Variants in EIF4G3 observed in about 807,000 individuals in gnomAD.
EIF4G3 encodes the protein eIF-4-gamma 3.
A neutral mutation model predicts 186.4 loss-of-function variants in EIF4G3; 34 were observed. That is an observed-to-expected ratio of 0.18 (90% CI 0.14 to 0.24). The LOEUF is 0.24. Ranked by LOEUF, EIF4G3 falls within the 10% of genes least tolerant of loss-of-function variation. The probability of loss-of-function intolerance (pLI) is 1.00; values close to 1 mark genes in which losing one functional copy is unlikely to be tolerated. For missense variants in EIF4G3, 1,536 were observed against 1,948.5 expected, an observed-to-expected ratio of 0.79 and a Z score of 3.99; for synonymous variants, 673 against 679.5, an observed-to-expected ratio of 0.99 and a Z score of 0.15.
At chr1:21,009,166 G>A (rs2086209256) in intron 4 of EIF4G3, among the ~76,000 whole-genome samples, 2 of 151,996 alleles carry the variant, frequency 1.3e-5, no homozygotes, top group Non-Finnish European at 2.9e-5. Context: ...GCATATATAA[G>A]TGTGTTTATT....
rs1223756510 is a variant in EIF4G3, at chr1:20,950,028, G to A, written c.798C>T (p.Val266=). Residue 266 remains valine (V), a synonymous_variant, in exon 13 of 37, where the codon GTC becomes GTT. Coordinates refer to ENST00000602326, the MANE Select transcript of EIF4G3 (RefSeq NM_001391906.1). The stretch of plus-strand genomic sequence containing the variant: ...CTTGCTTCTGGTCGCTAGCTGCAGT[G>A]ACAGGGGTGCTGGCAGCAAGATGAG... ...ESAHLAASTP[V]TAASDQKQEE... 1 of 1,613,508 alleles carries A rather than the reference G, an allele frequency of 6.2e-7. No homozygotes were observed. Among genetic ancestry groups the A allele is most frequent in the East Asian group, 2.2e-5 (1 of 44,858 alleles).
intron 3 of EIF4G3, among the ~76,000 whole-genome samples, chr1:21,079,139 ACAAT>A (rs1460884015): frequency 2.6e-5 from 4 of 152,196 alleles, no homozygotes; most frequent in Admixed American, 6.5e-5. Flanking sequence ...AGATGATAGG[ACAAT>A]CAAACAGATT....
intron 18 of EIF4G3, among the ~76,000 whole-genome samples, chr1:20,890,955 T>A (rs2085819378): frequency 6.6e-6 from 1 of 152,224 alleles, no homozygotes; most frequent in South Asian, 2.1e-4. Flanking sequence ...AACTAGCTTC[T>A]GACACAGAAC....
chr1:20,947,923 GC>G (rs930344426), intron 13 of EIF4G3, among the ~76,000 whole-genome samples: 3 of 152,126 alleles, frequency 2.0e-5, no homozygotes, highest in Admixed American at 6.5e-5. Flanking sequence ...ATGACAAAAT[GC>G]AGGGATCTCA....
intron 10 of EIF4G3, among the ~76,000 whole-genome samples, chr1:20,979,535 T>C (rs1002562556): frequency 6.6e-6 from 1 of 152,058 alleles, no homozygotes; most frequent in Non-Finnish European, 1.5e-5. Flanking sequence ...GTAGGAAATG[T>C]TTGGAGAAAA....
At chr1:20,832,703 G>A (rs2065661523) in intron 30 of EIF4G3, among the ~76,000 whole-genome samples, 1 of 149,522 alleles carries the variant, frequency 6.7e-6, no homozygotes, top group African/African-American at 2.5e-5. Context: ...TGTCCTGAAT[G>A]GTAATGCCTA....
At chr1:20,808,028 C>T (rs552966544) in intron 36 of EIF4G3, among the ~76,000 whole-genome samples, 1 of 152,020 alleles carries the variant, frequency 6.6e-6, no homozygotes, top group South Asian at 2.1e-4. Context: ...GGATTACAGG[C>T]GCCGGCCACC....
chr1:21,054,639 G>A (rs1218763928), intron 3 of EIF4G3, among the ~76,000 whole-genome samples: 1 of 151,976 alleles, frequency 6.6e-6, no homozygotes, highest in Non-Finnish European at 1.5e-5. Context: ...TCAGTTCATA[G>A]GTCTTCTGAA....
intron 9 of EIF4G3, 138 bp from the exon 10 acceptor site, chr1:20,980,586 A>G: frequency 3.3e-6 from 2 of 606,408 alleles, no homozygotes. Context: ...AGGTAAAGCG[A>G]TTGGGTCAAA....
rs756002186 is a variant in EIF4G3, at chr1:20,855,089, A to G, written c.3340-18T>C. 5.2e-6 allele frequency: 8 copies of G among 1,547,716 alleles called. No homozygotes were observed. The highest frequency in any genetic ancestry group is 7.1e-6 in the Non-Finnish European group (8 of 1,124,922). ...ATTGTAGGCTGTAACATAAGGGACC[A>G]CAAGTCAATTATAGGAAATATTCTA... On this transcript the variant is annotated intron_variant, in intron 25 of 36. Transcript: ENST00000602326.
At chr1:21,003,377 G>C (rs948886623) in intron 4 of EIF4G3, among the ~76,000 whole-genome samples, 6 of 151,998 alleles carry the variant, frequency 3.9e-5, no homozygotes, top group African/African-American at 1.2e-4. Context: ...TCATCCTCTT[G>C]AGTAGCTGGG....
At chr1:20,992,698 T>C (rs1467747719) in intron 7 of EIF4G3, among the ~76,000 whole-genome samples, 1 of 152,232 alleles carries the variant, frequency 6.6e-6, no homozygotes. Flanking sequence ...TTTTGTCCTA[T>C]GAACACTTTA....
rs543843252 is a variant in EIF4G3 at position 20,930,205 on chromosome 1, T to A, written c.1663+11286A>T. On this transcript the variant is annotated intron_variant, in intron 14 of 36. Transcript: ENST00000602326. ...TTGATGATGATGGCTGCTGCCCTCA[T>A]CAGGATGGTGGTTGCTGAGGCATGA... Among the ~76,000 whole-genome samples, 130 of 152,302 alleles carry A rather than the reference T, an allele frequency of 8.5e-4. 1 individual carries two copies. The highest frequency in any genetic ancestry group is 2.1e-3 in the African/African-American group (89 of 41,558).
intron 29 of EIF4G3, among the ~76,000 whole-genome samples, chr1:20,848,461 T>C (rs1008754978): frequency 5.9e-5 from 9 of 152,208 alleles, no homozygotes; most frequent in Non-Finnish European, 1.3e-4. Context: ...TTATCATAAC[T>C]ACAGTTAAGT....
chr1:20,965,046 G>A (rs866148673), intron 12 of EIF4G3, among the ~76,000 whole-genome samples: 1 of 152,132 alleles, frequency 6.6e-6, no homozygotes, highest in African/African-American at 2.4e-5. Context: ...GGATTAGGAA[G>A]TAGTAAATTT....
In EIF4G3 at chr1:21,080,327, AAGAG is replaced by A. The variant is rs1365548230; in HGVS notation, c.-196+8807_-196+8810del. On this transcript the variant is annotated intron_variant, in intron 3 of 36. Transcript: ENST00000602326. ...AGAGACACTGTCTCAACAAAAAAAA[AAGAG>A]AGAGAGAAAGAAGAAAATAAATTTT... 1.3e-3 allele frequency among the ~76,000 whole-genome samples: 193 copies of A among 151,540 alleles called. 1 individual carries two copies. Among genetic ancestry groups the A allele is most frequent in the Admixed American group, 1.4e-3 (21 of 15,180 alleles).
rs149330268 is a variant in EIF4G3 at position 20,862,452 on chromosome 1, G to A, written c.3007-120C>T. 3,495 of 614,274 alleles carry A rather than the reference G, an allele frequency of 5.7e-3. 18 individuals are homozygous for A. Among genetic ancestry groups the A allele is most frequent in the Middle Eastern group, 0.01 (25 of 2,390 alleles). 38.1% of individuals were successfully genotyped at this position (614,274 alleles called of 1,614,324 possible). A position where few individuals can be genotyped will look rare whatever the true frequency, so the allele number is the denominator to read the frequency against. On this transcript the variant is annotated intron_variant, in intron 22 of 36. Coordinates refer to ENST00000602326, the MANE Select transcript of EIF4G3 (RefSeq NM_001391906.1). ...TTTTTTAGAGATGGGGTTTCACTCC[G>A]TTGCCCAGGCTGGAGTGCAGTAGCA...
chr1:20,882,428 T>C (rs2082673033), intron 19 of EIF4G3, among the ~76,000 whole-genome samples: 1 of 151,984 alleles, frequency 6.6e-6, no homozygotes, highest in African/African-American at 2.4e-5. Flanking sequence ...CAGAGTAGCC[T>C]GGTCAATGTG....
intron 2 of EIF4G3, among the ~76,000 whole-genome samples, chr1:21,105,298 C>T (rs1010827284): frequency 1.3e-5 from 2 of 152,090 alleles, no homozygotes; most frequent in African/African-American, 2.4e-5. Flanking sequence ...TAGGTGGTGG[C>T]GCAAGCCTGT....
Sources: allele counts gnomAD v4.1 joint callset (sites outside exome capture counted in the v4.1 genomes callset), GRCh38; gene constraint gnomAD v4.1.1; transcripts MANE v1.5; gene names NCBI Gene and HGNC (gene_info 2026-07-23, HGNC 2026-07-21).